The following TMCC1 variants were observed in gnomAD, a reference collection of about 807,000 sequenced individuals.
The protein encoded by TMCC1 is transmembrane and coiled-coil domain family 1, also known as transmembrane and coiled-coil domains protein 1.
TMCC1 carries 15 observed loss-of-function variants against 52.4 expected under a neutral mutation model. The ratio of observed to expected loss-of-function variants is 0.29; its 90% CI spans 0.19 to 0.44. TMCC1 has a LOEUF of 0.44. Among genes scored for constraint, TMCC1 ranks in the 20% least tolerant of loss-of-function variants. The probability of loss-of-function intolerance (pLI) is 1.00; values close to 1 mark genes in which losing one functional copy is unlikely to be tolerated. For missense variants in TMCC1, 503 were observed against 806.0 expected (o/e 0.62, Z 4.55); for synonymous variants, 279 against 301.9 (o/e 0.92, Z 0.79).
intron 4 of TMCC1, among the ~76,000 whole-genome samples, chr3:129,799,358 G>A (rs778050033): frequency 1.3e-4 from 20 of 152,200 alleles, no homozygotes; most frequent in Admixed American, 2.6e-4. Flanking sequence ...GTAGTTTCAA[G>A]AGGCTATTTG....
rs1371207378 is a variant in TMCC1 at position 129,654,963 on chromosome 3, C to A, written c.1647+5G>T. The A allele has an allele frequency of 2.0e-5, 32 of 1,613,660 alleles. No individual in the cohort carries two copies. Among genetic ancestry groups the A allele is most frequent in the Non-Finnish European group, 2.7e-5 (32 of 1,179,896 alleles). On this transcript the variant is annotated splice_donor_5th_base_variant and intron_variant, in intron 6 of 6. Coordinates refer to ENST00000393238, the MANE Select transcript of TMCC1 (RefSeq NM_001017395.5). ...TTGCATTTACACCTTTTCCTTCATA[C>A]TAACCTGGATGTCCCGGGCCCGTTC... is the stretch of plus-strand genomic sequence containing the variant.
At chr3:129,800,336 A>G (rs762479550) in intron 4 of TMCC1, among the ~76,000 whole-genome samples, 7 of 152,140 alleles carry the variant, frequency 4.6e-5, no homozygotes, top group Non-Finnish European at 1.0e-4. Flanking sequence ...TTTCTTGGGT[A>G]TATGTAGCCT....
intron 1 of TMCC1, among the ~76,000 whole-genome samples, chr3:129,883,600 C>A (rs540472774): frequency 2.0e-5 from 3 of 152,312 alleles, no homozygotes; most frequent in South Asian, 2.1e-4. Flanking sequence ...GGTGACAGAG[C>A]GAGACGCTGT....
intron 1 of TMCC1, among the ~76,000 whole-genome samples, chr3:129,887,939 T>C (rs2061793542): frequency 6.6e-6 from 1 of 152,194 alleles, no homozygotes. Context: ...AAATGCAGAA[T>C]GTGACAAAAT....
intron 4 of TMCC1, among the ~76,000 whole-genome samples, chr3:129,703,763 G>A (rs2048016101): frequency 6.6e-6 from 1 of 152,210 alleles, no homozygotes; most frequent in African/African-American, 2.4e-5. Flanking sequence ...GAATAAATGA[G>A]GAGGAGAATT....
At chr3:129,764,733 T>TTG (rs150255907) in intron 4 of TMCC1, among the ~76,000 whole-genome samples, 9,348 of 57,672 alleles carry the variant, frequency 0.16, 1,241 homozygotes, top group Middle Eastern at 0.28. Context: ...TCCTATAATA[T>TTG]TGTGTGTGTG....
rs116647205 is a variant in TMCC1 at position 129,873,854 on chromosome 3, T to C, written c.-184+6455A>G. Among the ~76,000 whole-genome samples the C allele has an allele frequency of 2.6e-3, 398 of 152,260 alleles. 1 individual carries two copies. Among genetic ancestry groups the C allele is most frequent in the African/African-American group, 8.9e-3 (368 of 41,564 alleles). On this transcript the variant is annotated intron_variant, in intron 2 of 6. Coordinates refer to ENST00000393238, the MANE Select transcript of TMCC1 (RefSeq NM_001017395.5). ...ATACCTACCAGGCAAGCATCCCAAA[T>C]CCAAGCAGCATTTCTTTGAGTGTTA... is the stretch of plus-strand genomic sequence containing the variant.
intron 4 of TMCC1, among the ~76,000 whole-genome samples, chr3:129,706,005 C>T (rs1376380770): frequency 6.6e-6 from 1 of 151,846 alleles, no homozygotes; most frequent in Non-Finnish European, 1.5e-5. Flanking sequence ...ATTCTCCTGC[C>T]TCAGCCTCCC....
Position 129,843,855 on chromosome 3 carries a change from C to T in TMCC1, c.-183-11029G>A, listed in dbSNP as rs368218604. Among the ~76,000 whole-genome samples the T allele has an allele frequency of 4.9e-5, 7 of 142,624 alleles. No homozygotes were observed. In the East Asian group the frequency reaches 1.7e-3, roughly 34 times the overall value. 93.6% of individuals were successfully genotyped at this position (142,624 alleles called of 152,430 possible). ...TGCAAAAAAGAGAAGGGAACATTTC[C>T]CAACTCATTTTATGAGACTAACATT... On this transcript the variant is annotated intron_variant, in intron 2 of 6. Coordinates refer to ENST00000393238, the MANE Select transcript of TMCC1 (RefSeq NM_001017395.5).
At chr3:129,699,609 T>C (rs1320772330) in intron 4 of TMCC1, among the ~76,000 whole-genome samples, 1 of 152,238 alleles carries the variant, frequency 6.6e-6, no homozygotes, top group Non-Finnish European at 1.5e-5. Flanking sequence ...TGCTTTCACT[T>C]TATGGATTCG....
At chr3:129,681,067 T>C (rs1320114654) in intron 4 of TMCC1, among the ~76,000 whole-genome samples, 1 of 152,144 alleles carries the variant, frequency 6.6e-6, no homozygotes, top group Non-Finnish European at 1.5e-5. Context: ...AAGCAGCTTA[T>C]ATGATGGGGG....
chr3:129,781,897 C>T (rs1041316832), intron 4 of TMCC1, among the ~76,000 whole-genome samples: 4 of 151,908 alleles, frequency 2.6e-5, no homozygotes, highest in African/African-American at 4.8e-5. Context: ...GTAGTTAATA[C>T]CCAAATTTTA....
At chr3:129,780,858 T>C (rs2055461806) in intron 4 of TMCC1, among the ~76,000 whole-genome samples, 1 of 152,128 alleles carries the variant, frequency 6.6e-6, no homozygotes, top group African/African-American at 2.4e-5. Flanking sequence ...TTCCATAACA[T>C]TCAGTATTCT....
At chr3:129,863,221 C>G (rs2060473478) in intron 2 of TMCC1, among the ~76,000 whole-genome samples, 1 of 152,150 alleles carries the variant, frequency 6.6e-6, no homozygotes, top group Middle Eastern at 3.2e-3. Context: ...ATATATACAT[C>G]TTTGATCTGT....
At chr3:129,748,517 A>C (rs1576673093) in intron 4 of TMCC1, among the ~76,000 whole-genome samples, 1 of 151,926 alleles carries the variant, frequency 6.6e-6, no homozygotes, top group South Asian at 2.1e-4. Context: ...CGAACTCCTG[A>C]CCTCAGGCAA....
chr3:129,881,106 CCT>C (rs1409801567), intron 1 of TMCC1, among the ~76,000 whole-genome samples: 2 of 152,072 alleles, frequency 1.3e-5, no homozygotes, highest in Non-Finnish European at 2.9e-5. Flanking sequence ...TCATGATCCC[CCT>C]GCCTCGGCCT....
intron 2 of TMCC1, among the ~76,000 whole-genome samples, chr3:129,871,783 G>T (rs1189783100): frequency 1.3e-5 from 2 of 152,048 alleles, no homozygotes. Flanking sequence ...TGTAATCAAT[G>T]AAAAAAGAAT....
chr3:129,769,041 T>C (rs935624072), intron 4 of TMCC1, among the ~76,000 whole-genome samples: 1 of 152,214 alleles, frequency 6.6e-6, no homozygotes, highest in African/African-American at 2.4e-5. Flanking sequence ...ATACTTTAGA[T>C]ACAGAGCCAG....
intron 4 of TMCC1, among the ~76,000 whole-genome samples, chr3:129,718,744 A>G (rs1200132039): frequency 3.9e-5 from 6 of 152,234 alleles, no homozygotes; most frequent in Admixed American, 3.9e-4. Context: ...TAAAATTAAA[A>G]TAACATTTTC....
Sources: allele counts gnomAD v4.1 joint callset (sites outside exome capture counted in the v4.1 genomes callset), GRCh38; gene constraint gnomAD v4.1.1; transcripts MANE v1.5; gene names NCBI Gene and HGNC (gene_info 2026-07-23, HGNC 2026-07-21).